The following FGF14 variants were observed in gnomAD, a reference collection of about 807,000 sequenced individuals.
The protein encoded by FGF14 is fibroblast growth factor homologous factor 4.
FGF14 carries 5 observed loss-of-function variants against 25.5 expected under a neutral mutation model. The ratio of observed to expected loss-of-function variants is 0.20; its 90% confidence interval spans 0.10 to 0.41. The LOEUF (loss-of-function observed/expected upper bound fraction) is 0.41, where lower values mean the gene tolerates loss of function less well. FGF14 is among the 10% of genes least tolerant of loss of function. The probability of loss-of-function intolerance (pLI) is 1.00; values close to 1 mark genes in which losing one functional copy is unlikely to be tolerated. For synonymous variants in FGF14, 138 were observed against 118.3 expected (o/e 1.17, Z -1.08); for missense variants, 222 against 320.1 (o/e 0.69, Z 2.34).
At chr13:101,726,898 T>C in intron 3 of FGF14, 88 bp from the exon 4 acceptor site, 1 of 1,033,274 alleles carries the variant, frequency 9.7e-7, no homozygotes, top group Middle Eastern at 3.0e-4. Flanking sequence ...TTTCCCAGCA[T>C]GGTGAAAGAG....
At chr13:102,113,201 G>C (rs1297422563) in intron 1 of FGF14, among the ~76,000 whole-genome samples, 6 of 152,170 alleles carry the variant, frequency 3.9e-5, no homozygotes, top group Non-Finnish European at 2.9e-5. Flanking sequence ...AAACTGAATT[G>C]GATTTGCTGG....
intron 1 of FGF14, among the ~76,000 whole-genome samples, chr13:101,876,054 T>C (rs1721361221): frequency 6.6e-6 from 1 of 152,186 alleles, no homozygotes; most frequent in Non-Finnish European, 1.5e-5. Context: ...TTATACAATA[T>C]GAAATCTGAT....
chr13:101,758,327 G>A (rs759268895), intron 3 of FGF14, among the ~76,000 whole-genome samples: 7 of 152,310 alleles, frequency 4.6e-5, no homozygotes, highest in South Asian at 2.1e-4. Context: ...TAGTTAAAAT[G>A]TAAGTCTGGG....
At chr13:101,911,763 CAAAT>C (rs1462050102) in intron 1 of FGF14, among the ~76,000 whole-genome samples, 2 of 151,976 alleles carry the variant, frequency 1.3e-5, no homozygotes, top group Non-Finnish European at 2.9e-5. Flanking sequence ...ATACAACTAA[CAAAT>C]AATAAAATTA....
intron 1 of FGF14, among the ~76,000 whole-genome samples, chr13:102,092,162 A>G (rs900824566): frequency 6.6e-6 from 1 of 152,226 alleles, no homozygotes; most frequent in African/African-American, 2.4e-5. Context: ...CAGAAACTAC[A>G]ATCTGCCCTG....
intron 1 of FGF14, among the ~76,000 whole-genome samples, chr13:102,117,082 C>T (rs932222874): frequency 1.3e-5 from 2 of 152,156 alleles, no homozygotes; most frequent in East Asian, 1.9e-4. Context: ...GTTTTGCCTC[C>T]GATCCCCAGG....
intron 1 of FGF14, among the ~76,000 whole-genome samples, chr13:102,174,203 C>G (rs554953845): frequency 6.7e-6 from 1 of 150,266 alleles, no homozygotes; most frequent in Non-Finnish European, 1.5e-5. Flanking sequence ...GGCGCGATCT[C>G]GGCTCACTGC....
intron 1 of FGF14, among the ~76,000 whole-genome samples, chr13:102,031,957 T>C (rs1210504539): frequency 6.6e-6 from 1 of 152,168 alleles, no homozygotes; most frequent in East Asian, 1.9e-4. Flanking sequence ...CGTACTTTTC[T>C]AACATTACAA....
At chr13:101,946,466 A>T (rs1257147134) in intron 1 of FGF14, among the ~76,000 whole-genome samples, 2 of 152,154 alleles carry the variant, frequency 1.3e-5, no homozygotes, top group East Asian at 3.8e-4. Context: ...CTTAAACAAT[A>T]AGAAAATGTA....
intron 1 of FGF14, among the ~76,000 whole-genome samples, chr13:102,029,173 T>TTG (rs1333630423): frequency 1.3e-5 from 2 of 152,058 alleles, no homozygotes; most frequent in East Asian, 1.9e-4. Context: ...CTCATGTTGC[T>TTG]TGTGTGTGTG....
intron 1 of FGF14, among the ~76,000 whole-genome samples, chr13:101,896,738 T>A (rs1019279433): frequency 3.9e-5 from 6 of 152,202 alleles, no homozygotes; most frequent in Non-Finnish European, 8.8e-5. Flanking sequence ...TATCTGTGTG[T>A]GTGCTTTATC....
intron 3 of FGF14, among the ~76,000 whole-genome samples, chr13:101,837,579 T>C (rs1312182148): frequency 6.6e-6 from 1 of 152,130 alleles, no homozygotes; most frequent in Non-Finnish European, 1.5e-5. Context: ...AAGGCTTTTA[T>C]ATTGATCTTT....
At chr13:101,904,554 G>A (rs1341615812) in intron 1 of FGF14, among the ~76,000 whole-genome samples, 1 of 152,188 alleles carries the variant, frequency 6.6e-6, no homozygotes, top group African/African-American at 2.4e-5. Context: ...GACTTAGCTT[G>A]TAAACGAATG....
chr13:102,167,534 TA>T (rs148072351), intron 1 of FGF14, among the ~76,000 whole-genome samples: 1 of 151,814 alleles, frequency 6.6e-6, no homozygotes, highest in Non-Finnish European at 1.5e-5. Flanking sequence ...ATAGTTTACT[TA>T]AAAAAAACCC....
intron 1 of FGF14, among the ~76,000 whole-genome samples, chr13:102,053,116 T>G (rs994938055): frequency 6.6e-6 from 1 of 151,724 alleles, no homozygotes; most frequent in Admixed American, 6.6e-5. Flanking sequence ...AATCACCTAA[T>G]CACAAAGGAA....
chr13:101,878,445 G>T (rs2045519243), intron 1 of FGF14, among the ~76,000 whole-genome samples: 1 of 152,112 alleles, frequency 6.6e-6, no homozygotes, highest in Non-Finnish European at 1.5e-5. Context: ...TGAATGTGTA[G>T]CAATTTATGT....
At chr13:101,804,433 C>T (rs1029447302) in intron 3 of FGF14, among the ~76,000 whole-genome samples, 2 of 152,160 alleles carry the variant, frequency 1.3e-5, no homozygotes, top group Non-Finnish European at 2.9e-5. Flanking sequence ...AACTCACAGA[C>T]ACTCCTACAC....
At chr13:101,892,018 A>G (rs1332071768) in intron 1 of FGF14, among the ~76,000 whole-genome samples, 1 of 152,198 alleles carries the variant, frequency 6.6e-6, no homozygotes, top group Non-Finnish European at 1.5e-5. Context: ...ATAGCAAAAA[A>G]CAAGAAAAGC....
chr13:102,295,083 C>A (rs2054629464), intron 1 of FGF14, among the ~76,000 whole-genome samples: 1 of 152,086 alleles, frequency 6.6e-6, no homozygotes, highest in African/African-American at 2.4e-5. Flanking sequence ...TTTAAGTTGG[C>A]CACCCATAGG....
Sources: allele counts gnomAD v4.1 joint callset (sites outside exome capture counted in the v4.1 genomes callset), GRCh38; gene constraint gnomAD v4.1.1; transcripts MANE v1.5; gene names NCBI Gene and HGNC (gene_info 2026-07-23, HGNC 2026-07-21).